TRHR: variants seen among roughly 807,000 people sequenced by gnomAD.
The protein encoded by TRHR is thyrotropin releasing hormone receptor.
A neutral mutation model predicts 28.0 loss-of-function variants in TRHR; 14 were observed. The ratio of observed to expected loss-of-function variants is 0.50; its 90% CI spans 0.33 to 0.78. TRHR has a LOEUF of 0.78. Among genes scored for constraint, TRHR ranks in the 30% least tolerant of loss-of-function variants. TRHR has a pLI of 0.02. For missense variants in TRHR, 438 were observed against 469.5 expected, an observed-to-expected ratio of 0.93 and a Z score of 0.62; for synonymous variants, 176 against 171.9, an observed-to-expected ratio of 1.02 and a Z score of -0.18.
intron 2 of TRHR, among the ~76,000 whole-genome samples, chr8:109,100,442 T>G (rs73311329): frequency 0.11 from 16,336 of 152,138 alleles, 953 homozygotes; most frequent in African/African-American, 0.13. Flanking sequence ...GCATGGTTTT[T>G]TTTTTGAATT....
chr8:109,098,074 T>C (rs891765722), intron 2 of TRHR, among the ~76,000 whole-genome samples: 3 of 152,134 alleles, frequency 2.0e-5, no homozygotes, highest in African/African-American at 7.2e-5. Context: ...GCAAGAAGGC[T>C]GATCTCCTGC....
At chr8:109,095,889 C>T (rs1448574926) in intron 2 of TRHR, among the ~76,000 whole-genome samples, 2 of 151,848 alleles carry the variant, frequency 1.3e-5, no homozygotes, top group Admixed American at 6.6e-5. Flanking sequence ...CATTATTCTC[C>T]TGCTGACCTA....
intron 2 of TRHR, among the ~76,000 whole-genome samples, chr8:109,090,913 T>G (rs895740414): frequency 6.6e-6 from 1 of 152,010 alleles, no homozygotes; most frequent in East Asian, 1.9e-4. Context: ...TAAGACTGGA[T>G]TGATGTGTGA....
chr8:109,093,857 A>T (rs1025263097), intron 2 of TRHR, among the ~76,000 whole-genome samples: 2 of 115,604 alleles, frequency 1.7e-5, no homozygotes, highest in Admixed American at 7.9e-5. Flanking sequence ...CAACTCATTT[A>T]AAAAAAAAAA....
At chr8:109,101,785 A>C (rs552464658) in intron 2 of TRHR, among the ~76,000 whole-genome samples, 35 of 152,276 alleles carry the variant, frequency 2.3e-4, no homozygotes, top group Non-Finnish European at 2.9e-4. Context: ...CTGGAGATAT[A>C]GCTTTGGGAT....
At chr8:109,098,273 G>A (rs189773280) in intron 2 of TRHR, among the ~76,000 whole-genome samples, 10 of 151,918 alleles carry the variant, frequency 6.6e-5, no homozygotes, top group Admixed American at 6.6e-4. Flanking sequence ...GAGACTACAG[G>A]CGTGTGCTAC....
intron 2 of TRHR, among the ~76,000 whole-genome samples, chr8:109,092,841 T>C (rs1811536279): frequency 6.6e-6 from 1 of 152,080 alleles, no homozygotes; most frequent in South Asian, 2.1e-4. Flanking sequence ...TATAGAAAAC[T>C]AGGAATAGGC....
At chr8:109,103,613 C>G (rs888241972) in intron 2 of TRHR, among the ~76,000 whole-genome samples, 1 of 152,132 alleles carries the variant, frequency 6.6e-6, no homozygotes, top group African/African-American at 2.4e-5. Flanking sequence ...GAGCATCATG[C>G]AGAATGTTTG....
chr8:109,103,963 T>A (rs1295622162), intron 2 of TRHR, among the ~76,000 whole-genome samples: 1 of 152,178 alleles, frequency 6.6e-6, no homozygotes, highest in African/African-American at 2.4e-5. Flanking sequence ...CATGTTCTTA[T>A]ATGCATTGTT....
At chr8:109,091,588 C>G (rs1811517448) in intron 2 of TRHR, among the ~76,000 whole-genome samples, 1 of 152,074 alleles carries the variant, frequency 6.6e-6, no homozygotes, top group Non-Finnish European at 1.5e-5. Context: ...TGTGCATAGC[C>G]TAAAAGAGAA....
chr8:109,101,772 A>G (rs1388490655), intron 2 of TRHR, among the ~76,000 whole-genome samples: 1 of 152,184 alleles, frequency 6.6e-6, no homozygotes, highest in African/African-American at 2.4e-5. Flanking sequence ...AGAAACATAT[A>G]GACTGGAGAT....
At chr8:109,118,997 T>A in intron 2 of TRHR, 51 bp from the exon 3 acceptor site, 1 of 1,609,486 alleles carries the variant, frequency 6.2e-7, no homozygotes. Context: ...AAGGGGGTTT[T>A]GTTTTGTTTT....
chr8:109,103,860 T>G (rs1259964450), intron 2 of TRHR, among the ~76,000 whole-genome samples: 1 of 152,156 alleles, frequency 6.6e-6, no homozygotes, highest in Non-Finnish European at 1.5e-5. Flanking sequence ...ATGTTTTAAA[T>G]CAGACCAATG....
At chr8:109,100,300 G>T (rs1321716896) in intron 2 of TRHR, among the ~76,000 whole-genome samples, 1 of 152,102 alleles carries the variant, frequency 6.6e-6, no homozygotes, top group Non-Finnish European at 1.5e-5. Context: ...GATTATAAGG[G>T]GCTAGGATGG....
intron 2 of TRHR, among the ~76,000 whole-genome samples, chr8:109,096,102 C>T (rs575856328): frequency 2.0e-5 from 3 of 152,278 alleles, no homozygotes; most frequent in South Asian, 2.1e-4. Flanking sequence ...AACTCCTTAG[C>T]GTCACAAGTA....
Position 109,119,136 on chromosome 8 carries a change from C to T in TRHR, c.878C>T (p.Ser293Phe). 1.2e-6 allele frequency: 2 copies of T among 1,612,856 alleles called. No individual in the cohort carries two copies. The highest frequency in any genetic ancestry group is 2.2e-5 in the South Asian group (2 of 91,064). Residue 293 changes from serine to phenylalanine, a missense_variant, in exon 3 of 3, where the codon TCC (serine) becomes TTC (phenylalanine). By Grantham distance (155) the Ser-to-Phe change is radical. Coordinates refer to ENST00000518632, the MANE Select transcript of TRHR (RefSeq NM_003301.7). ...RTLVVVNSFL[S>F]SPFQENWFLL... is the part of the protein sequence containing the mutation. ...CTAGTGGTTGTCAACTCATTTCTCTCCAGTCCTTTCCAAGAAAATTGGTTT... is the reference window on the plus strand; with the variant it reads ...CTAGTGGTTGTCAACTCATTTCTCTTCAGTCCTTTCCAAGAAAATTGGTTT...
rs1812001171 is a variant in TRHR, at chr8:109,121,081, G to GT, written c.*1626_*1627insT. On this transcript the variant is annotated 3_prime_UTR_variant, in exon 3 of 3. Coordinates refer to ENST00000518632, the MANE Select transcript of TRHR (RefSeq NM_003301.7). Reference sequence around the variant, plus strand: ...TATCCAGAACCTCATTCTAGAGTGCGCTTTTTTTTTTTTGAAAATTGGCCT... The same window carrying GT: ...TATCCAGAACCTCATTCTAGAGTGCGTCTTTTTTTTTTTTGAAAATTGGCCT... Among the ~76,000 whole-genome samples the GT allele has an allele frequency of 1.1e-5, 1 of 91,260 alleles. No individual in the cohort carries two copies. Among genetic ancestry groups the GT allele is most frequent in the South Asian group, 3.7e-4 (1 of 2,738 alleles). 59.9% of individuals were successfully genotyped at this position (91,260 alleles called of 152,430 possible). A position where few individuals can be genotyped will look rare whatever the true frequency, so the allele number is the denominator to read the frequency against.
chr8:109,121,416 C>T lies in TRHR; in HGVS notation c.*1961C>T, dbSNP rs930916818. 1.3e-5 allele frequency among the ~76,000 whole-genome samples: 2 copies of T among 151,600 alleles called. No individual in the cohort carries two copies. The highest frequency in any genetic ancestry group is 3.0e-5 in the Non-Finnish European group (2 of 67,752). On this transcript the variant is annotated 3_prime_UTR_variant, in exon 3 of 3. Coordinates refer to ENST00000518632, the MANE Select transcript of TRHR (RefSeq NM_003301.7). ...GAAAGGACCTAATATCATTGAGCATCGACTATGTCTCAGGTATGCTGGTAG... is the reference window on the plus strand; with the variant it reads ...GAAAGGACCTAATATCATTGAGCATTGACTATGTCTCAGGTATGCTGGTAG...
At chr8:109,112,322 G>T (rs753282056) in intron 2 of TRHR, among the ~76,000 whole-genome samples, 2 of 151,996 alleles carry the variant, frequency 1.3e-5, no homozygotes, top group Non-Finnish European at 2.9e-5. Flanking sequence ...AACTTCTAGG[G>T]AATTGAGGTA....
Sources: gnomAD v4.1 joint callset for allele counts (sites outside exome capture counted in the v4.1 genomes callset) on GRCh38, gnomAD v4.1.1 for gene constraint, MANE v1.5 for transcripts, NCBI Gene and HGNC (gene_info 2026-07-23, HGNC 2026-07-21) for gene names.